Variants in IFIH1 observed in about 807,000 individuals in gnomAD.
IFIH1 encodes the protein interferon induced with helicase C domain 1.
Under a neutral mutation model 107.4 loss-of-function variants are expected in IFIH1, and 125 were observed. That is an observed-to-expected ratio of 1.16 (90% CI 1.01 to 1.35). The LOEUF (loss-of-function observed/expected upper bound fraction) is 1.35, where lower values mean the gene tolerates loss of function less well. Ranked by LOEUF, IFIH1 falls within the 40% of genes most tolerant of loss-of-function variation. IFIH1 has a pLI of 0.00. For synonymous variants in IFIH1, 458 were observed against 413.2 expected (o/e 1.11, Z -1.31); for missense variants, 1,333 against 1,213.7 (o/e 1.10, Z -1.46).
intron 3 of IFIH1, among the ~76,000 whole-genome samples, chr2:162,298,093 T>C (rs1421623780): frequency 6.6e-6 from 1 of 152,136 alleles, no homozygotes; most frequent in South Asian, 2.1e-4. Context: ...GTTGAAGGCC[T>C]TTTTAGATCT....
At chr2:162,289,618 C>T (rs1029263138) in intron 4 of IFIH1, among the ~76,000 whole-genome samples, 3 of 151,784 alleles carry the variant, frequency 2.0e-5, no homozygotes, top group Non-Finnish European at 4.4e-5. Flanking sequence ...CATTTCAGCC[C>T]CTGGATAATT....
chr2:162,295,688 C>T (rs1464397189), intron 3 of IFIH1, among the ~76,000 whole-genome samples: 1 of 151,952 alleles, frequency 6.6e-6, no homozygotes, highest in African/African-American at 2.4e-5. Flanking sequence ...CCCTTATGAT[C>T]ACACGGGAAA....
At chr2:162,312,913 G>A (rs993220612) in intron 1 of IFIH1, among the ~76,000 whole-genome samples, 5 of 152,100 alleles carry the variant, frequency 3.3e-5, no homozygotes, top group Admixed American at 2.6e-4. Context: ...AACCAGTGAG[G>A]CAACAAATGC....
At chr2:162,271,104 T>G (rs922119451) in intron 13 of IFIH1, among the ~76,000 whole-genome samples, 5 of 152,146 alleles carry the variant, frequency 3.3e-5, no homozygotes, top group African/African-American at 9.7e-5. Flanking sequence ...AATACATTCT[T>G]TCTTCACTGC....
intron 3 of IFIH1, among the ~76,000 whole-genome samples, chr2:162,301,208 G>T (rs975321294): frequency 1.3e-5 from 2 of 152,228 alleles, no homozygotes; most frequent in Admixed American, 6.5e-5. Flanking sequence ...TCATTAGCTG[G>T]GGTGGAATTT....
chr2:162,311,159 G>A (rs1165724630), intron 1 of IFIH1, among the ~76,000 whole-genome samples: 2 of 152,086 alleles, frequency 1.3e-5, no homozygotes, highest in African/African-American at 4.8e-5. Flanking sequence ...TCTGGACCAA[G>A]TGTCCTTTTA....
At chr2:162,281,579 T>C in intron 6 of IFIH1, 34 bp from the exon 7 acceptor site, 1 of 1,461,846 alleles carries the variant, frequency 6.8e-7, no homozygotes, top group South Asian at 1.2e-5. Context: ...CATTTCTCCA[T>C]ATCAGCACAC....
At chr2:162,306,244 G>A (rs1683278623) in intron 3 of IFIH1, among the ~76,000 whole-genome samples, 1 of 152,146 alleles carries the variant, frequency 6.6e-6, no homozygotes, top group Non-Finnish European at 1.5e-5. Flanking sequence ...GCCAACCCTA[G>A]TTCAGCATCT....
intron 5 of IFIH1, 73 bp downstream of exon 5, chr2:162,288,061 CA>C: frequency 1.1e-6 from 1 of 936,606 alleles, no homozygotes; most frequent in South Asian, 1.5e-5. Context: ...GTCAATGACA[CA>C]AATGCCATCA....
intron 4 of IFIH1, among the ~76,000 whole-genome samples, chr2:162,292,930 T>C (rs894816843): frequency 6.9e-6 from 1 of 145,218 alleles, no homozygotes; most frequent in African/African-American, 2.8e-5. Flanking sequence ...GACTAACAAA[T>C]TGGAAAACTG....
In IFIH1 at chr2:162,310,528, A is replaced by G. The variant is rs536916537; in HGVS notation, c.622+237T>C. 101 of 511,588 alleles carry G rather than the reference A, an allele frequency of 2.0e-4. 1 individual carries two copies. In the South Asian group the frequency reaches 3.1e-3, roughly 16 times the overall value. The allele number at this position is 511,588 out of a possible 1,614,324, so 31.7% of individuals were successfully genotyped here. A position where few individuals can be genotyped will look rare whatever the true frequency, so the allele number is the denominator to read the frequency against. ...CTGGTAGTCATATTGTTTTTAAAAT[A>G]AGGTAGTAGAAAGAGTGTTGGTTGG... On this transcript the variant is annotated intron_variant, in intron 2 of 15. Coordinates refer to ENST00000649979, the MANE Select transcript of IFIH1 (RefSeq NM_022168.4).
intron 2 of IFIH1, among the ~76,000 whole-genome samples, chr2:162,308,569 G>A (rs921836348): frequency 3.4e-4 from 52 of 152,040 alleles, no homozygotes; most frequent in African/African-American, 1.2e-3. Flanking sequence ...GTAGAGATGC[G>A]GTTTCGCCAT....
At chr2:162,302,469 T>A (rs1288807183) in intron 3 of IFIH1, among the ~76,000 whole-genome samples, 1 of 152,142 alleles carries the variant, frequency 6.6e-6, no homozygotes, top group Non-Finnish European at 1.5e-5. Context: ...CCTAATATAA[T>A]GGAATTCAAA....
intron 15 of IFIH1, 29 bp downstream of exon 15, chr2:162,267,450 T>C (rs779990782): frequency 1.2e-6 from 2 of 1,612,462 alleles, no homozygotes; most frequent in Non-Finnish European, 1.7e-6. Flanking sequence ...TTGGCTAAAG[T>C]AAAATCTGGC....
At chr2:162,279,894 T>G (rs917706840) in intron 8 of IFIH1, 102 bp downstream of exon 8, 1 of 743,162 alleles carries the variant, frequency 1.3e-6, no homozygotes, top group Admixed American at 2.5e-5. Flanking sequence ...TGCTAAAATT[T>G]TTAAATAATA....
Position 162,267,096 on chromosome 2 carries a change from A to T in IFIH1, c.*104T>A, listed in dbSNP as rs1690938940. 1.1e-6 allele frequency: 1 copy of T among 869,662 alleles called. No individual in the cohort carries two copies. 53.9% of individuals were successfully genotyped at this position (869,662 alleles called of 1,614,324 possible). On this transcript the variant is annotated 3_prime_UTR_variant, in exon 16 of 16. Transcript: ENST00000649979. ...GAGTTCAATGCAGAGTAAAACAATC[A>T]TTTTATTGATTCTTATGTCAGTTCT...
intron 1 of IFIH1, 59 bp from the exon 2 acceptor site, chr2:162,310,992 C>G: frequency 1.5e-6 from 2 of 1,322,198 alleles, no homozygotes; most frequent in Non-Finnish European, 2.1e-6. Flanking sequence ...TAACCTTAAA[C>G]AGGAAATACC....
intron 5 of IFIH1, among the ~76,000 whole-genome samples, chr2:162,285,342 A>G (rs1668535426): frequency 6.6e-6 from 1 of 152,020 alleles, no homozygotes; most frequent in African/African-American, 2.4e-5. Flanking sequence ...GGGAGATGAA[A>G]GTAAATGGTG....
rs1196021161 is a variant in IFIH1, at chr2:162,276,721, G to C, written c.2270C>G (p.Ala757Gly). 3.1e-6 allele frequency: 5 copies of C among 1,613,952 alleles called. No homozygotes were observed. In the South Asian group the frequency reaches 5.5e-5, roughly 18 times the overall value. The part of the protein sequence containing the change: ...VGVKAHHLIG[A>G]GHSSEFKPMT... ...GGGTTTGAACTCACTGCTGTGTCCAGCTCCAATCAGATGGTGGGCTTTGAC... is the reference window on the plus strand; with the variant it reads ...GGGTTTGAACTCACTGCTGTGTCCACCTCCAATCAGATGGTGGGCTTTGAC... The change falls in exon 11 of 16, where the codon GCT (alanine) becomes GGT (glycine). Residue 757 changes from alanine (A) to glycine (G), a missense_variant. Transcript: ENST00000649979.
Sources: gnomAD v4.1 joint callset for allele counts (sites outside exome capture counted in the v4.1 genomes callset) on GRCh38, gnomAD v4.1.1 for gene constraint, MANE v1.5 for transcripts, NCBI Gene and HGNC (gene_info 2026-07-23, HGNC 2026-07-21) for gene names.